The following SAMD5 variants were observed in gnomAD, a reference collection of about 807,000 sequenced individuals.
The protein encoded by SAMD5 is sterile alpha motif domain containing 5.
SAMD5 carries 13 observed loss-of-function variants against 11.3 expected under a neutral mutation model. That is an observed-to-expected ratio of 1.15 (90% CI 0.75 to 1.83). The LOEUF (loss-of-function observed/expected upper bound fraction) is 1.83, where lower values mean the gene tolerates loss of function less well. Ranked by LOEUF, SAMD5 falls within the 40% of genes most tolerant of loss-of-function variation. The pLI is 0.00. For synonymous variants in SAMD5, 129 were observed against 111.3 expected, an observed-to-expected ratio of 1.16 and a Z score of -1.00; for missense variants, 255 against 239.1, an observed-to-expected ratio of 1.07 and a Z score of -0.44.
intron 1 of SAMD5, among the ~76,000 whole-genome samples, chr6:147,729,028 G>A (rs940747014): frequency 5.9e-5 from 9 of 152,196 alleles, no homozygotes; most frequent in Admixed American, 2.0e-4. Context: ...CAGTTCTGGA[G>A]GTGGGAAGTC....
At chr6:147,623,123 A>G (rs1161634413) in intron 1 of SAMD5, among the ~76,000 whole-genome samples, 1 of 152,176 alleles carries the variant, frequency 6.6e-6, no homozygotes, top group Non-Finnish European at 1.5e-5. Flanking sequence ...TCTTGGACAG[A>G]CCATCTAGCC....
chr6:147,510,730 C>T (rs1157481674), intron 1 of SAMD5, among the ~76,000 whole-genome samples: 1 of 152,162 alleles, frequency 6.6e-6, no homozygotes. Flanking sequence ...CAATTCAGAT[C>T]ACCTGCTTGA....
chr6:147,938,338 A>G, the SAMD5 span, among the ~76,000 whole-genome samples: 1 of 152,246 alleles, frequency 6.6e-6, no homozygotes, highest in Non-Finnish European at 1.5e-5. Flanking sequence ...CAAACGAAAA[A>G]GATAACACTC....
downstream of SAMD5, among the ~76,000 whole-genome samples, chr6:147,738,033 A>G (rs539936277): frequency 1.3e-5 from 2 of 152,316 alleles, no homozygotes; most frequent in African/African-American, 4.8e-5. Context: ...CTCACCACTC[A>G]GAGACCAAAA....
At chr6:147,509,622 C>A (rs1039031228) in intron 1 of SAMD5, among the ~76,000 whole-genome samples, 2 of 152,172 alleles carry the variant, frequency 1.3e-5, no homozygotes, top group South Asian at 2.1e-4. Context: ...TCTAAACTAA[C>A]GACCAAAACT....
rs144926376 is a variant in SAMD5, at chr6:147,566,287, C to CT, written c.*1843dup. 0.068 allele frequency: 43,701 copies of CT among 642,440 alleles called. 1 individual carries two copies. Among genetic ancestry groups the CT allele is most frequent in the Non-Finnish European group, 0.076 (39,463 of 519,686 alleles). The allele number at this position is 642,440 out of a possible 1,614,324, so 39.8% of individuals were successfully genotyped here. ...GATTATATTCCAGTTAACCTTTCAT[C>CT]TTTTTTTTTTTTCCAAATGAACTAG... On this transcript the variant is annotated 3_prime_UTR_variant, in exon 2 of 2. Coordinates refer to ENST00000367474, the MANE Select transcript of SAMD5 (RefSeq NM_001030060.3).
chr6:147,626,252 T>C (rs1030056429), intron 1 of SAMD5, among the ~76,000 whole-genome samples: 2 of 152,128 alleles, frequency 1.3e-5, no homozygotes, highest in African/African-American at 4.8e-5. Context: ...TGTCTTGCTA[T>C]GTGTGAGAAA....
intron 1 of SAMD5, among the ~76,000 whole-genome samples, chr6:147,645,763 T>A (rs1486558021): frequency 1.3e-5 from 2 of 152,200 alleles, no homozygotes; most frequent in Non-Finnish European, 2.9e-5. Context: ...CCTATGCAGC[T>A]CTAGCTGCTG....
chr6:147,557,790 G>T (rs1280309874), intron 1 of SAMD5, among the ~76,000 whole-genome samples: 1 of 152,234 alleles, frequency 6.6e-6, no homozygotes, highest in Non-Finnish European at 1.5e-5. Flanking sequence ...AATGATTGCA[G>T]AGCATAGAAG....
chr6:147,538,987 G>C (rs867880613), intron 1 of SAMD5, among the ~76,000 whole-genome samples: 1 of 151,976 alleles, frequency 6.6e-6, no homozygotes, highest in Non-Finnish European at 1.5e-5. Flanking sequence ...CAGAAGATTC[G>C]GCACTTAGAA....
At chr6:147,552,144 T>C (rs7741218) in intron 1 of SAMD5, among the ~76,000 whole-genome samples, 349 of 152,276 alleles carry the variant, frequency 2.3e-3, no homozygotes, top group African/African-American at 8.0e-3. Context: ...TTCTTTGCTG[T>C]TTAATGTCTT....
the SAMD5 span, among the ~76,000 whole-genome samples, chr6:147,939,999 A>G: frequency 6.6e-6 from 1 of 152,096 alleles, no homozygotes; most frequent in Non-Finnish European, 1.5e-5. Flanking sequence ...GCTGTATTCT[A>G]AAGGAGAATA....
intron 1 of SAMD5, among the ~76,000 whole-genome samples, chr6:147,732,765 C>T (rs1207424383): frequency 6.6e-6 from 1 of 152,168 alleles, no homozygotes; most frequent in Non-Finnish European, 1.5e-5. Context: ...TTTCTCTTCT[C>T]CTGTGCTTGT....
the SAMD5 span, among the ~76,000 whole-genome samples, chr6:147,877,182 C>A: frequency 1.3e-5 from 2 of 151,918 alleles, no homozygotes; most frequent in Non-Finnish European, 2.9e-5. Flanking sequence ...TGCACAATAC[C>A]TGGCGCATAG....
the SAMD5 span, among the ~76,000 whole-genome samples, chr6:147,858,542 T>C: frequency 1.3e-5 from 2 of 152,184 alleles, no homozygotes; most frequent in Non-Finnish European, 2.9e-5. Flanking sequence ...TTAAGCAAAA[T>C]GTGGCTTTGG....
the SAMD5 span, among the ~76,000 whole-genome samples, chr6:147,930,288 C>T: frequency 6.6e-6 from 1 of 152,082 alleles, no homozygotes; most frequent in Admixed American, 6.6e-5. Flanking sequence ...TAAGAAGTTC[C>T]AAACTTTCCT....
In SAMD5 at chr6:147,733,104, T is replaced by C. The variant is rs1001491244; in HGVS notation, c.163-4213T>C. On this transcript the variant is annotated intron_variant, in intron 1 of 1. Transcript: ENST00000566741. ...TTTGACATTTCTAGCTTTTATTTCA[T>C]TTATACTTGAAGCGAATTCACTTGA... Among the ~76,000 whole-genome samples the C allele has an allele frequency of 2.0e-5, 3 of 152,352 alleles. No individual in the cohort carries two copies. In the East Asian group the frequency reaches 5.8e-4, roughly 29 times the overall value.
chr6:147,916,588 G>A, the SAMD5 span, among the ~76,000 whole-genome samples: 1 of 151,688 alleles, frequency 6.6e-6, no homozygotes, highest in Admixed American at 6.6e-5. Context: ...TAAGTTTTAG[G>A]GTACATGTGT....
At chr6:147,708,406 T>G (rs1351632620) in intron 1 of SAMD5, among the ~76,000 whole-genome samples, 1 of 152,168 alleles carries the variant, frequency 6.6e-6, no homozygotes, top group Non-Finnish European at 1.5e-5. Context: ...ATGAGAAATC[T>G]CTGTTGTTTA....
Sources: allele counts gnomAD v4.1 joint callset (sites outside exome capture counted in the v4.1 genomes callset), GRCh38; gene constraint gnomAD v4.1.1; transcripts MANE v1.5; gene names NCBI Gene and HGNC (gene_info 2026-07-23, HGNC 2026-07-21).